CATSPER3: variants seen among roughly 807,000 people sequenced by gnomAD.
CATSPER3 encodes the protein cation channel sperm-associated protein 3.
A neutral mutation model predicts 36.6 loss-of-function variants in CATSPER3; 23 were observed. That is an observed-to-expected ratio of 0.63 (90% confidence interval 0.45 to 0.89). The LOEUF (loss-of-function observed/expected upper bound fraction) is 0.89, where lower values mean the gene tolerates loss of function less well. Among genes scored for constraint, CATSPER3 ranks in the 40% least tolerant of loss-of-function variants. The pLI, the probability that CATSPER3 is intolerant of heterozygous loss-of-function variation, is 0.00. For synonymous variants in CATSPER3, 172 were observed against 184.1 expected (o/e 0.93, Z 0.53); for missense variants, 474 against 503.9 (o/e 0.94, Z 0.57).
At chr5:135,008,776 T>TAG in intron 4 of CATSPER3, 65 bp from the exon 5 acceptor site, 1 of 1,451,300 alleles carries the variant, frequency 6.9e-7, no homozygotes, top group Middle Eastern at 1.8e-4. Flanking sequence ...TCCTCTAGCA[T>TAG]AGGTGAAAAG....
chr5:134,996,475 G>A lies in CATSPER3; in HGVS notation c.455G>A (p.Arg152His), dbSNP rs762834732. The A allele has an allele frequency of 2.3e-5, 37 of 1,614,032 alleles. No homozygotes were observed. The highest frequency in any genetic ancestry group is 1.6e-4 in the Middle Eastern group (1 of 6,078). The change falls in exon 3 of 8, where the codon CGC becomes CAC. Residue 152 changes from arginine to histidine, a missense_variant. Transcript: ENST00000282611. The stretch of plus-strand genomic sequence containing the variant: ...ATCGCTGATGGCATGCAGTCCCTGC[G>A]CATCCTCAAGCTTATCGGCTATAGC... ...LYIADGMQSL[R>H]ILKLIGYSQG...
intron 3 of CATSPER3, among the ~76,000 whole-genome samples, chr5:135,001,750 T>A (rs996301160): frequency 6.6e-6 from 1 of 152,236 alleles, no homozygotes; most frequent in Non-Finnish European, 1.5e-5. Context: ...CTTTGTTGGT[T>A]TAAAGTCTGT....
intron 3 of CATSPER3, among the ~76,000 whole-genome samples, chr5:135,003,791 A>G (rs1156584849): frequency 1.3e-5 from 2 of 152,224 alleles, no homozygotes; most frequent in African/African-American, 4.8e-5. Flanking sequence ...CCATTTGCTA[A>G]GACTGTTGGA....
Position 135,010,407 on chromosome 5 carries a change from T to C in CATSPER3, c.971T>C (p.Val324Ala). ...NADCTSFSEL[V>A]ENFKKTLSHT... ...GACTGCACAAGTTTCAGTGAGCTGG[T>C]GGAGAACTTTAAGAAGACCTTGAGC... The change falls in exon 7 of 8, where the codon GTG becomes GCG. Residue 324 changes from valine (V) to alanine (A), a missense_variant. Coordinates refer to ENST00000282611, the MANE Select transcript of CATSPER3 (RefSeq NM_178019.3). 6.2e-7 allele frequency: 1 copy of C among 1,614,102 alleles called. No individual in the cohort carries two copies. The highest frequency in any genetic ancestry group is 8.5e-7 in the Non-Finnish European group (1 of 1,179,970).
At chr5:134,986,027 C>T (rs1206786665) in intron 2 of CATSPER3, among the ~76,000 whole-genome samples, 1 of 151,932 alleles carries the variant, frequency 6.6e-6, no homozygotes, top group African/African-American at 2.4e-5. Flanking sequence ...ATGAATTCTA[C>T]CAGTCACTTA....
At chr5:134,990,259 T>C (rs1481039084) in intron 2 of CATSPER3, among the ~76,000 whole-genome samples, 5 of 152,186 alleles carry the variant, frequency 3.3e-5, no homozygotes, top group Non-Finnish European at 7.3e-5. Flanking sequence ...TTTGGTTTTA[T>C]ACGTTTCAGG....
At chr5:134,968,386 G>A (rs1561455888) in intron 1 of CATSPER3, 2 of 379,664 alleles carry the variant, frequency 5.3e-6, no homozygotes, top group Non-Finnish European at 1.0e-5. Context: ...TACATATCTT[G>A]ATATATTAGA....
intron 2 of CATSPER3, among the ~76,000 whole-genome samples, chr5:134,971,492 A>C (rs997111757): frequency 6.6e-6 from 1 of 152,124 alleles, no homozygotes; most frequent in African/African-American, 2.4e-5. Flanking sequence ...TTTACAACAA[A>C]ACTGGTTAGT....
At chr5:134,977,547 G>A (rs1260839896) in intron 2 of CATSPER3, among the ~76,000 whole-genome samples, 1 of 152,116 alleles carries the variant, frequency 6.6e-6, no homozygotes, top group East Asian at 1.9e-4. Flanking sequence ...TCAGCATTTT[G>A]GTCACAACCA....
intron 1 of CATSPER3, chr5:134,968,298 C>G (rs1751558660): frequency 1.8e-6 from 1 of 562,576 alleles, no homozygotes; most frequent in Non-Finnish European, 3.2e-6. Context: ...ACCAGTTTGA[C>G]CAGTTTGACT....
intron 1 of CATSPER3, chr5:134,969,526 G>T (rs1352583591): frequency 3.8e-6 from 1 of 261,564 alleles, no homozygotes; most frequent in Non-Finnish European, 7.5e-6. Context: ...GCATGTGTAT[G>T]GGTGATTATT....
At chr5:135,008,709 G>A in intron 4 of CATSPER3, 132 bp from the exon 5 acceptor site, 1 of 750,500 alleles carries the variant, frequency 1.3e-6, no homozygotes, top group South Asian at 1.5e-5. Context: ...TGGACTGGGA[G>A]GTGTTGAGGG....
At chr5:134,987,614 G>T (rs567937584) in intron 2 of CATSPER3, among the ~76,000 whole-genome samples, 1 of 152,068 alleles carries the variant, frequency 6.6e-6, no homozygotes, top group African/African-American at 2.4e-5. Context: ...TATACACCAC[G>T]ATCAAGTGGG....
chr5:134,969,820 G>T, intron 1 of CATSPER3, 119 bp from the exon 2 acceptor site: 1 of 1,033,180 alleles, frequency 9.7e-7, no homozygotes. Context: ...AAAAGTATAT[G>T]TAAATTTATA....
At chr5:134,994,081 T>C (rs1250843979) in intron 2 of CATSPER3, among the ~76,000 whole-genome samples, 3 of 152,086 alleles carry the variant, frequency 2.0e-5, no homozygotes, top group African/African-American at 7.2e-5. Context: ...GCTGAGATTG[T>C]GCCACTGCAC....
intron 3 of CATSPER3, among the ~76,000 whole-genome samples, chr5:135,007,272 A>G (rs921207170): frequency 3.3e-5 from 5 of 152,154 alleles, no homozygotes; most frequent in Non-Finnish European, 7.4e-5. Flanking sequence ...GATAACACCT[A>G]CCTACCTTGA....
At chr5:134,986,119 A>G (rs1031673071) in intron 2 of CATSPER3, among the ~76,000 whole-genome samples, 1 of 151,466 alleles carries the variant, frequency 6.6e-6, no homozygotes, top group Admixed American at 6.6e-5. Context: ...TACATTTTTC[A>G]AATATGTGTA....
Position 135,011,679 on chromosome 5 carries a change from T to C in CATSPER3, c.*56T>C. On this transcript the variant is annotated 3_prime_UTR_variant, in exon 8 of 8. Transcript: ENST00000282611. ...CTTGCAGACCATGACAGGTCCCTAT[T>C]AAACACAGGCTTTCTGAGTTGTCCT... is the stretch of plus-strand genomic sequence containing the variant. The C allele has an allele frequency of 8.4e-7, 1 of 1,186,260 alleles. No individual in the cohort carries two copies. The highest frequency in any genetic ancestry group is 1.2e-6 in the Non-Finnish European group (1 of 800,666). The allele number at this position is 1,186,260 out of a possible 1,614,324, so 73.5% of individuals were successfully genotyped here.
At chr5:134,998,746 G>T (rs1186300289) in intron 3 of CATSPER3, among the ~76,000 whole-genome samples, 1 of 152,082 alleles carries the variant, frequency 6.6e-6, no homozygotes, top group South Asian at 2.1e-4. Context: ...CATATCCTTT[G>T]CCCACTTTTT....
Sources: allele counts gnomAD v4.1 joint callset (sites outside exome capture counted in the v4.1 genomes callset), GRCh38; gene constraint gnomAD v4.1.1; transcripts MANE v1.5; gene names NCBI Gene and HGNC (gene_info 2026-07-23, HGNC 2026-07-21).